ADAM12: variants seen among roughly 807,000 people sequenced by gnomAD.
ADAM12 encodes ADAM metallopeptidase domain 12, also known as disintegrin and metalloproteinase domain-containing protein 12.
A neutral mutation model predicts 106.4 loss-of-function variants in ADAM12; 70 were observed. The ratio of observed to expected loss-of-function variants is 0.66; its 90% CI spans 0.54 to 0.80. The LOEUF (loss-of-function observed/expected upper bound fraction) is 0.80, where lower values mean the gene tolerates loss of function less well. ADAM12 is among the 30% of genes least tolerant of loss of function. The pLI is 0.00. For missense variants in ADAM12, 1,010 were observed against 1,171.9 expected (o/e 0.86, Z 2.02); for synonymous variants, 420 against 433.5 (o/e 0.97, Z 0.39).
chr10:126,296,721 C>A (rs1960398809), intron 2 of ADAM12, among the ~76,000 whole-genome samples: 1 of 152,194 alleles, frequency 6.6e-6, no homozygotes, highest in Non-Finnish European at 1.5e-5. Context: ...GTCTACAAAT[C>A]CAGTCCAGGA....
Position 126,101,063 on chromosome 10 carries a change from ACTC to A in ADAM12, c.911+6_911+8del. 1.2e-6 allele frequency: 2 copies of A among 1,612,882 alleles called. No individual in the cohort carries two copies. Among genetic ancestry groups the A allele is most frequent in the Non-Finnish European group, 1.7e-6 (2 of 1,179,432 alleles). On this transcript the variant is annotated splice_donor_region_variant and intron_variant, in intron 9 of 22. Transcript: ENST00000448723. ...TTTTTTTTTAAGCAGACAAGACGTA[ACTC>A]CCTACCTGACAAGCTGCGCATTGTC...
chr10:126,040,966 T>C (rs1954152982), intron 18 of ADAM12, among the ~76,000 whole-genome samples: 1 of 152,114 alleles, frequency 6.6e-6, no homozygotes, highest in Non-Finnish European at 1.5e-5. Flanking sequence ...CTCTAGAATC[T>C]GAGCCCAGGC....
At chr10:126,230,394 T>C (rs1254042008) in intron 3 of ADAM12, among the ~76,000 whole-genome samples, 3 of 152,234 alleles carry the variant, frequency 2.0e-5, no homozygotes, top group African/African-American at 7.2e-5. Context: ...TGGGATACAC[T>C]ATACTTTCCT....
chr10:126,109,770 C>T lies in ADAM12; in HGVS notation c.669+5G>A. The T allele has an allele frequency of 1.2e-6, 2 of 1,610,420 alleles. No homozygotes were observed. The highest frequency in any genetic ancestry group is 1.7e-6 in the Non-Finnish European group (2 of 1,179,160). On this transcript the variant is annotated splice_donor_5th_base_variant and intron_variant, in intron 7 of 22. Transcript: ENST00000448723. The stretch of plus-strand genomic sequence containing the variant: ...CCATACTGAGAAATTTTAAAAAGTT[C>T]TTACCTCTCGGTTGTCTGCCACGAT...
chr10:126,031,352 T>G (rs1458079053), intron 21 of ADAM12, among the ~76,000 whole-genome samples: 1 of 152,216 alleles, frequency 6.6e-6, no homozygotes, highest in Non-Finnish European at 1.5e-5. Context: ...GGTTTCAATA[T>G]CAGACACCCA....
chr10:126,212,092 G>A (rs965333910), intron 3 of ADAM12, among the ~76,000 whole-genome samples: 6 of 152,164 alleles, frequency 3.9e-5, no homozygotes, highest in South Asian at 2.1e-4. Flanking sequence ...TGACTGCTGC[G>A]CAGCTCACCA....
intron 3 of ADAM12, among the ~76,000 whole-genome samples, chr10:126,226,040 T>C (rs1297071717): frequency 1.3e-5 from 2 of 151,374 alleles, no homozygotes; most frequent in African/African-American, 2.5e-5. Flanking sequence ...AGGCATCTTA[T>C]GGGGGAACAG....
intron 1 of ADAM12, among the ~76,000 whole-genome samples, chr10:126,368,228 C>A (rs1163671126): frequency 6.6e-6 from 1 of 151,812 alleles, no homozygotes; most frequent in Non-Finnish European, 1.5e-5. Flanking sequence ...AGTTCATATT[C>A]CCAGGACTAC....
intron 1 of ADAM12, among the ~76,000 whole-genome samples, chr10:126,360,831 G>A (rs1009348418): frequency 6.6e-5 from 10 of 152,152 alleles, no homozygotes; most frequent in Non-Finnish European, 1.5e-4. Context: ...GTATTAGTTT[G>A]TTTCCATGCT....
chr10:126,135,811 G>T (rs2133678167), intron 4 of ADAM12, 151 bp from the exon 5 acceptor site: 3 of 698,630 alleles, frequency 4.3e-6, no homozygotes, highest in East Asian at 5.5e-5. Flanking sequence ...AGCCCAACAT[G>T]ACCCAGCCAG....
intron 11 of ADAM12, among the ~76,000 whole-genome samples, chr10:126,076,088 C>T: frequency 6.6e-6 from 1 of 152,176 alleles, no homozygotes. Context: ...CCATCCTCCC[C>T]CATCTAATAG....
chr10:126,224,198 C>T (rs1382912801), intron 3 of ADAM12, among the ~76,000 whole-genome samples: 2 of 152,056 alleles, frequency 1.3e-5, no homozygotes, highest in Non-Finnish European at 2.9e-5. Flanking sequence ...GACTTGGGGC[C>T]CCTCCTCCTG....
chr10:126,314,531 G>A (rs888387638), intron 2 of ADAM12, among the ~76,000 whole-genome samples: 1 of 152,108 alleles, frequency 6.6e-6, no homozygotes, highest in Non-Finnish European at 1.5e-5. Flanking sequence ...TCATAAATGA[G>A]ACACACTCAA....
chr10:126,049,280 A>T lies in ADAM12; in HGVS notation c.1890T>A (p.Leu630=), dbSNP rs1465489877. Residue 630 remains leucine, a synonymous_variant, in exon 16 of 23, where the codon CTT becomes CTA. Coordinates refer to ENST00000448723, the MANE Select transcript of ADAM12 (RefSeq NM_001288973.2). This position sits in a 1 kb window ranked among gnomAD's most constrained non-coding sequence, Gnocchi z 4.4. ...TTCCATCTGCACACTTTGTGCCTGC[A>T]AGCACAAGCCCTGGGTCCGGCATGT... ...GDDMPDPGLV[L]AGTKCADGKI... 4 of 1,614,126 alleles carry T rather than the reference A, an allele frequency of 2.5e-6. No individual in the cohort carries two copies. The highest frequency in any genetic ancestry group is 3.4e-6 in the Non-Finnish European group (4 of 1,180,054).
intron 2 of ADAM12, among the ~76,000 whole-genome samples, chr10:126,329,420 T>C (rs1854424500): frequency 2.0e-5 from 3 of 152,358 alleles, no homozygotes; most frequent in Middle Eastern, 3.4e-3. Flanking sequence ...TTAATTTTGC[T>C]GACCAATAGC....
At chr10:126,384,629 GA>G (rs1472903727) in intron 1 of ADAM12, among the ~76,000 whole-genome samples, 1 of 152,138 alleles carries the variant, frequency 6.6e-6, no homozygotes, top group East Asian at 1.9e-4. Flanking sequence ...TGATGTGTTG[GA>G]TCATATTGAA....
At chr10:126,111,063 C>A (rs1256344253) in intron 6 of ADAM12, among the ~76,000 whole-genome samples, 3 of 152,158 alleles carry the variant, frequency 2.0e-5, no homozygotes, top group Admixed American at 1.3e-4. Context: ...TAAAACAAAT[C>A]CCCATCAGTC....
At chr10:126,345,226 A>C (rs1469332319) in intron 1 of ADAM12, among the ~76,000 whole-genome samples, 1 of 152,190 alleles carries the variant, frequency 6.6e-6, no homozygotes, top group East Asian at 1.9e-4. Context: ...GAGAGTTTTT[A>C]GCATGAAGGG....
chr10:126,305,295 G>T (rs562568581), intron 2 of ADAM12, among the ~76,000 whole-genome samples: 32 of 151,982 alleles, frequency 2.1e-4, no homozygotes, highest in African/African-American at 7.2e-4. Context: ...AACAAGAAAT[G>T]GACTCCTGAT....
Sources: allele counts gnomAD v4.1 joint callset (sites outside exome capture counted in the v4.1 genomes callset), GRCh38; gene constraint gnomAD v4.1.1; non-coding constraint Gnocchi (gnomAD v3.1); transcripts MANE v1.5; gene names NCBI Gene and HGNC (gene_info 2026-07-23, HGNC 2026-07-21).